MGAT5B: variants seen among roughly 807,000 people sequenced by gnomAD.
The protein encoded by MGAT5B is alpha-1,6-mannosylglycoprotein 6-beta-N-acetylglucosaminyltransferase B, also known as N-acetylglucosaminyl-transferase Vb.
A neutral mutation model predicts 95.1 loss-of-function variants in MGAT5B; 54 were observed. That is an observed-to-expected ratio of 0.57 (90% CI 0.46 to 0.71). The LOEUF is 0.71. MGAT5B is among the 30% of genes least tolerant of loss of function. The pLI is 0.00. For missense variants in MGAT5B, 935 were observed against 1,088.6 expected (o/e 0.86, Z 1.99); for synonymous variants, 464 against 451.0 (o/e 1.03, Z -0.36).
At chr17:76,908,068 G>A (rs539759320) in intron 8 of MGAT5B, among the ~76,000 whole-genome samples, 3 of 152,244 alleles carry the variant, frequency 2.0e-5, no homozygotes, top group South Asian at 2.1e-4. Context: ...TATAAATTCT[G>A]TGGAAGTTAC....
At chr17:76,909,085 G>A (rs1042447327) in intron 8 of MGAT5B, among the ~76,000 whole-genome samples, 1 of 152,108 alleles carries the variant, frequency 6.6e-6, no homozygotes, top group Non-Finnish European at 1.5e-5. Context: ...GGAATTATAG[G>A]CATGAGCCAC....
rs1285667613 is a variant in MGAT5B, at chr17:76,905,350, C to T, written c.855+17C>T. The T allele has an allele frequency of 1.9e-6, 3 of 1,561,042 alleles. 1 individual carries two copies. The highest frequency in any genetic ancestry group is 4.6e-5 in the East Asian group (2 of 43,842). On this transcript the variant is annotated intron_variant, in intron 7 of 17. Coordinates refer to ENST00000569840, the MANE Select transcript of MGAT5B (RefSeq NM_001199172.2). This position sits in a 1 kb window ranked among gnomAD's most constrained non-coding sequence, Gnocchi z 4.2. The stretch of plus-strand genomic sequence containing the variant: ...CAGAAGCAGGTGCGTGGCCCCTGCC[C>T]CCTCATGTGCAGGAGCTGAGAAAGC...
rs1053056868 is a variant in MGAT5B, at chr17:76,946,460, C to T, written c.1923+10C>T. 2 of 1,572,146 alleles carry T rather than the reference C, an allele frequency of 1.3e-6. No individual in the cohort carries two copies. The highest frequency in any genetic ancestry group is 8.6e-7 in the Non-Finnish European group (1 of 1,158,432). ...CTACATCCAGCACCAGGTCAGTGAG[C>T]CCTCTGGTCCCTGCCCCAGATCCTG... On this transcript the variant is annotated intron_variant, in intron 16 of 17. Coordinates refer to ENST00000569840, the MANE Select transcript of MGAT5B (RefSeq NM_001199172.2).
At chr17:76,948,395 G>T (rs967208450) in intron 17 of MGAT5B, among the ~76,000 whole-genome samples, 2 of 152,198 alleles carry the variant, frequency 1.3e-5, no homozygotes, top group African/African-American at 4.8e-5. Context: ...GCTGTCCCAG[G>T]TGCTCCTCCT....
At chr17:76,871,740 A>G (rs1319844576) in intron 1 of MGAT5B, among the ~76,000 whole-genome samples, 1 of 151,976 alleles carries the variant, frequency 6.6e-6, no homozygotes, top group Non-Finnish European at 1.5e-5. Flanking sequence ...AGGGAGCCTG[A>G]CTCCACACAA....
chr17:76,913,828 A>C (rs1968830701), intron 8 of MGAT5B: 1 of 456,510 alleles, frequency 2.2e-6, no homozygotes, highest in Admixed American at 2.3e-5. Flanking sequence ...TGGTCACATG[A>C]GGCTGGGTGG....
chr17:76,915,911 C>A lies in MGAT5B; in HGVS notation c.1026-9055C>A, dbSNP rs1320366901. Among the ~76,000 whole-genome samples, 1 of 152,208 alleles carries A rather than the reference C, an allele frequency of 6.6e-6. No individual in the cohort carries two copies. Among genetic ancestry groups the A allele is most frequent in the East Asian group, 1.9e-4 (1 of 5,188 alleles). On this transcript the variant is annotated intron_variant, in intron 8 of 17. Transcript: ENST00000569840. The surrounding 1 kb of genome is among the most constrained non-coding windows in gnomAD (Gnocchi z 8.7). Reference sequence around the variant, plus strand: ...GAGGCCTGGCAGCCAGACACCTGACCCAAGTTGGCTGGCGGTCAGAACCCT... The same window carrying A: ...GAGGCCTGGCAGCCAGACACCTGACACAAGTTGGCTGGCGGTCAGAACCCT...
At chr17:76,924,937 G>A in intron 8 of MGAT5B, 29 bp from the exon 9 acceptor site, 1 of 1,611,070 alleles carries the variant, frequency 6.2e-7, no homozygotes, top group East Asian at 2.2e-5. Context: ...GTTTCTTGGG[G>A]CCCAGAATCT....
At chr17:76,882,915 A>G (rs1967488172) in intron 3 of MGAT5B, among the ~76,000 whole-genome samples, 2 of 151,538 alleles carry the variant, frequency 1.3e-5, no homozygotes, top group South Asian at 2.1e-4. Flanking sequence ...GGGTTTTACT[A>G]TGTTGGCCAG....
rs762497584 is a variant in MGAT5B at position 76,948,813 on chromosome 17, T to G, written c.2354T>G (p.Val785Gly). 1 of 1,605,238 alleles carries G rather than the reference T, an allele frequency of 6.2e-7. No individual in the cohort carries two copies. The highest frequency in any genetic ancestry group is 8.5e-7 in the Non-Finnish European group (1 of 1,176,892). The change falls in exon 18 of 18, where the codon GTG (valine) becomes GGG (glycine). Residue 785 changes from valine (V) to glycine (G), a missense_variant. By Grantham distance (109) the Val-to-Gly change is moderately radical (BLOSUM62 -3). Around this residue, in one of 4 missense-constraint regions of MGAT5B, gnomAD observed 440 missense variants for 523.6 expected, o/e 0.84. Transcript: ENST00000569840. ...CPCRDFRKGQVALCQGCL is the reference protein window; with the variant it reads ...CPCRDFRKGQGALCQGCL ...TGCCGCGACTTCCGCAAGGGCCAGGTGGCCTTGTGCCAGGGCTGTCTGTGA... is the reference window on the plus strand; with the variant it reads ...TGCCGCGACTTCCGCAAGGGCCAGGGGGCCTTGTGCCAGGGCTGTCTGTGA...
At chr17:76,933,368 G>T in intron 12 of MGAT5B, 71 bp downstream of exon 12, 1 of 1,578,228 alleles carries the variant, frequency 6.3e-7, no homozygotes, top group Non-Finnish European at 8.6e-7. Flanking sequence ...CCACTCCAGG[G>T]GTCTCTCCTT....
At position 76,940,570 on chromosome 17, in the gene MGAT5B, C is replaced by A. The variant is rs1418774960; in HGVS notation, c.1731+22C>A. ...AGAGGTGAGTGGAAAGCATCCTGGT[C>A]CCCGATCAGGAGGGGCCGGGACAGA... On this transcript the variant is annotated intron_variant, in intron 14 of 17. Coordinates refer to ENST00000569840, the MANE Select transcript of MGAT5B (RefSeq NM_001199172.2). The surrounding 1 kb of genome is among the most constrained non-coding windows in gnomAD (Gnocchi z 4.3). 1.3e-6 allele frequency: 2 copies of A among 1,598,076 alleles called. No individual in the cohort carries two copies. The highest frequency in any genetic ancestry group is 2.7e-5 in the African/African-American group (2 of 74,596).
intron 3 of MGAT5B, among the ~76,000 whole-genome samples, chr17:76,895,654 T>C (rs915745535): frequency 8.5e-5 from 13 of 152,226 alleles, no homozygotes; most frequent in Admixed American, 7.2e-4. Flanking sequence ...AAATTTCCCC[T>C]TTTGATAAAA....
intron 8 of MGAT5B, 92 bp from the exon 9 acceptor site, chr17:76,924,874 T>A: frequency 6.7e-7 from 1 of 1,492,150 alleles, no homozygotes; most frequent in Non-Finnish European, 9.2e-7. Flanking sequence ...TCTCTGCACT[T>A]GTACAGTTCA....
chr17:76,947,879 A>G lies in MGAT5B; in HGVS notation c.1973A>G (p.Gln658Arg). 1.2e-6 allele frequency: 2 copies of G among 1,605,654 alleles called. No individual in the cohort carries two copies. Among genetic ancestry groups the G allele is most frequent in the Non-Finnish European group, 1.7e-6 (2 of 1,173,906 alleles). ...DPALPEAHAP[Q>R]SPFVLAPNAT... Reference sequence around the variant, plus strand: ...GCCCTACCAGAGGCCCACGCCCCGCAGAGCCCCTTTGTCCTGGCCCCCAAT... The same window carrying G: ...GCCCTACCAGAGGCCCACGCCCCGCGGAGCCCCTTTGTCCTGGCCCCCAAT... Residue 658 changes from glutamine (Q) to arginine (R), a missense_variant, in exon 17 of 18, where the codon CAG becomes CGG. Transcript: ENST00000569840.
At chr17:76,939,738 T>C (rs1490296445) in intron 13 of MGAT5B, among the ~76,000 whole-genome samples, 1 of 152,194 alleles carries the variant, frequency 6.6e-6, no homozygotes, top group African/African-American at 2.4e-5. Flanking sequence ...AAGTACCCAA[T>C]GTTCAGCTCC....
At position 76,915,961 on chromosome 17, in the gene MGAT5B, A is replaced by G. The variant is rs542766682; in HGVS notation, c.1026-9005A>G. ...TTCCCCAGGAAATTCAGACTTGGGTAGGCAGAAGACCTACCTAGACTGCGG... is the reference window on the plus strand; with the variant it reads ...TTCCCCAGGAAATTCAGACTTGGGTGGGCAGAAGACCTACCTAGACTGCGG... On this transcript the variant is annotated intron_variant, in intron 8 of 17. Coordinates refer to ENST00000569840, the MANE Select transcript of MGAT5B (RefSeq NM_001199172.2). The surrounding 1 kb of genome is among the most constrained non-coding windows in gnomAD (Gnocchi z 8.7). 7.9e-5 allele frequency among the ~76,000 whole-genome samples: 12 copies of G among 152,338 alleles called. No homozygotes were observed. The highest frequency in any genetic ancestry group is 4.6e-4 in the Admixed American group (7 of 15,310).
chr17:76,914,745 C>G lies in MGAT5B; in HGVS notation c.1025+8558C>G, dbSNP rs553674555. Among the ~76,000 whole-genome samples the G allele has an allele frequency of 6.6e-6, 1 of 152,018 alleles. No individual in the cohort carries two copies. The highest frequency in any genetic ancestry group is 1.5e-5 in the Non-Finnish European group (1 of 68,036). ...CCTCCACCTCCGGGTTCAAGTGATT[C>G]TCCTGCCTCAGCCTCCCGAGTAGCT... On this transcript the variant is annotated intron_variant, in intron 8 of 17. Transcript: ENST00000569840. This position sits in a 1 kb window ranked among gnomAD's most constrained non-coding sequence, Gnocchi z 5.1.
intron 12 of MGAT5B, among the ~76,000 whole-genome samples, chr17:76,934,016 G>T (rs935972521): frequency 2.8e-4 from 42 of 152,176 alleles, no homozygotes; most frequent in African/African-American, 9.9e-4. Flanking sequence ...TGGCCACAGG[G>T]CCATGCCCAC....
Sources: gnomAD v4.1 joint callset for allele counts (sites outside exome capture counted in the v4.1 genomes callset) on GRCh38, gnomAD v4.1.1 for gene constraint, gnomAD v4.1.1 regional missense constraint, Gnocchi (gnomAD v3.1) non-coding constraint, MANE v1.5 for transcripts, NCBI Gene and HGNC (gene_info 2026-07-23, HGNC 2026-07-21) for gene names.